Variants in MBOAT2 observed in about 807,000 individuals in gnomAD.
MBOAT2 encodes membrane-bound glycerophospholipid O-acyltransferase 2.
MBOAT2 carries 28 observed loss-of-function variants against 63.4 expected under a neutral mutation model. That is an observed-to-expected ratio of 0.44 (90% CI 0.33 to 0.61). The LOEUF (loss-of-function observed/expected upper bound fraction) is 0.61. Ranked by LOEUF, MBOAT2 falls within the 20% of genes least tolerant of loss-of-function variation. The pLI is 0.03. For synonymous variants in MBOAT2, 211 were observed against 215.6 expected (o/e 0.98, Z 0.19); for missense variants, 470 against 605.8 (o/e 0.78, Z 2.35).
chr2:8,998,971 T>G (rs1005842337), intron 1 of MBOAT2, among the ~76,000 whole-genome samples: 3 of 152,212 alleles, frequency 2.0e-5, no homozygotes, highest in African/African-American at 4.8e-5. Flanking sequence ...CCAGGTGTTG[T>G]GAGGATTTGA....
chr2:8,858,359 T>G lies in MBOAT2; in HGVS notation c.*320A>C, dbSNP rs1316504118. On this transcript the variant is annotated 3_prime_UTR_variant, in exon 13 of 13. Transcript: ENST00000305997. ...TCATCCAGATTGACACGATTATTTT[T>G]CCACCTCTTCAGTGCCTTGGGATAC... The G allele has an allele frequency of 4.4e-6, 1 of 229,602 alleles. No homozygotes were observed. The highest frequency in any genetic ancestry group is 2.2e-5 in the African/African-American group (1 of 44,546). 14.2% of individuals were successfully genotyped at this position (229,602 alleles called of 1,614,324 possible).
At chr2:8,875,307 C>T (rs1177422250) in intron 7 of MBOAT2, among the ~76,000 whole-genome samples, 2 of 152,136 alleles carry the variant, frequency 1.3e-5, no homozygotes, top group Non-Finnish European at 2.9e-5. Context: ...TGGGAAAATA[C>T]ATGAAGAATA....
chr2:8,994,722 A>G (rs1672149503), intron 1 of MBOAT2, among the ~76,000 whole-genome samples: 1 of 152,218 alleles, frequency 6.6e-6, no homozygotes, highest in African/African-American at 2.4e-5. Flanking sequence ...ATGCACGAAC[A>G]TATCATGCAT....
rs1372799201 is a variant in MBOAT2 at position 8,877,220 on chromosome 2, T to C, written c.507-7A>G. 6.7e-5 allele frequency: 107 copies of C among 1,607,628 alleles called. No homozygotes were observed. Among genetic ancestry groups the C allele is most frequent in the Non-Finnish European group, 8.6e-5 (101 of 1,177,394 alleles). On this transcript the variant is annotated splice_polypyrimidine_tract_variant and splice_region_variant and intron_variant, in intron 6 of 12. Coordinates refer to ENST00000305997, the MANE Select transcript of MBOAT2 (RefSeq NM_138799.4). ...CAGTAAGCTTGGCATGCGCCTGCAATGAAAAGACATGCAACCAGTGAGATG... is the reference window on the plus strand; with the variant it reads ...CAGTAAGCTTGGCATGCGCCTGCAACGAAAAGACATGCAACCAGTGAGATG...
intron 3 of MBOAT2, among the ~76,000 whole-genome samples, chr2:8,911,767 C>T (rs903686535): frequency 1.3e-5 from 2 of 152,144 alleles, no homozygotes; most frequent in East Asian, 3.9e-4. Context: ...CAGCCTAAGG[C>T]CTTCACCAGG....
chr2:8,972,224 AC>A (rs1198507521), intron 1 of MBOAT2, among the ~76,000 whole-genome samples: 23 of 152,154 alleles, frequency 1.5e-4, no homozygotes, highest in Admixed American at 1.3e-4. Flanking sequence ...CACATCTACA[AC>A]CATCTGATCT....
rs566087384 is a variant in MBOAT2, at chr2:8,854,434, A to G, written c.*4245T>C. On this transcript the variant is annotated 3_prime_UTR_variant, in exon 13 of 13. Coordinates refer to ENST00000305997, the MANE Select transcript of MBOAT2 (RefSeq NM_138799.4). Reference sequence around the variant, plus strand: ...CTCACAGTGTTATTTAGGATTCTGCACCTATATTAAATTTCAGCCAGGAAG... The same window carrying G: ...CTCACAGTGTTATTTAGGATTCTGCGCCTATATTAAATTTCAGCCAGGAAG... The G allele has an allele frequency of 9.8e-5, 15 of 152,324 alleles. No individual in the cohort carries two copies. The highest frequency in any genetic ancestry group is 3.1e-4 in the African/African-American group (13 of 41,580). The allele number at this position is 152,324 out of a possible 1,614,324, so 9.4% of individuals were successfully genotyped here. A position where few individuals can be genotyped will look rare whatever the true frequency, so the allele number is the denominator to read the frequency against.
chr2:8,943,177 G>T lies in MBOAT2; in HGVS notation c.299+10C>A. On this transcript the variant is annotated intron_variant, in intron 3 of 12. Transcript: ENST00000305997. ...ATATATATTTTCATGTGAACAAAGT[G>T]AATACTTACTTGTGCATGTTCTCCA... The T allele has an allele frequency of 1.3e-6, 2 of 1,490,044 alleles. No homozygotes were observed. The highest frequency in any genetic ancestry group is 1.4e-5 in the South Asian group (1 of 72,926). The allele number at this position is 1,490,044 out of a possible 1,614,324, so 92.3% of individuals were successfully genotyped here. A position where few individuals can be genotyped will look rare whatever the true frequency, so the allele number is the denominator to read the frequency against.
chr2:8,991,867 T>A (rs897121465), intron 1 of MBOAT2, among the ~76,000 whole-genome samples: 2 of 152,222 alleles, frequency 1.3e-5, no homozygotes, highest in African/African-American at 4.8e-5. Context: ...ATGGTCATCA[T>A]TAGCAAAAGT....
chr2:8,905,835 A>C (rs148788951), intron 4 of MBOAT2, among the ~76,000 whole-genome samples: 71 of 152,352 alleles, frequency 4.7e-4, no homozygotes, highest in African/African-American at 1.4e-3. Flanking sequence ...AATGGATAAA[A>C]ATTATTCTTT....
chr2:8,983,186 T>A (rs139933277), intron 1 of MBOAT2, among the ~76,000 whole-genome samples: 1 of 152,136 alleles, frequency 6.6e-6, no homozygotes, highest in Non-Finnish European at 1.5e-5. Flanking sequence ...AGATATGAAA[T>A]CATATGATAC....
At chr2:8,978,449 A>G (rs890804283) in intron 1 of MBOAT2, among the ~76,000 whole-genome samples, 7 of 152,178 alleles carry the variant, frequency 4.6e-5, no homozygotes, top group Non-Finnish European at 1.0e-4. Context: ...CTTATTTATT[A>G]TATTTGCTAA....
chr2:8,919,365 A>G (rs1666411607), intron 3 of MBOAT2, among the ~76,000 whole-genome samples: 1 of 152,238 alleles, frequency 6.6e-6, no homozygotes, highest in Admixed American at 6.5e-5. Context: ...TAGTTTCTTC[A>G]TATCCTCACT....
chr2:8,985,069 T>C (rs1022162009), intron 1 of MBOAT2, among the ~76,000 whole-genome samples: 5 of 151,796 alleles, frequency 3.3e-5, no homozygotes, highest in Non-Finnish European at 5.9e-5. Flanking sequence ...AATATATGCA[T>C]ATAGTTCCTC....
intron 3 of MBOAT2, among the ~76,000 whole-genome samples, chr2:8,938,169 A>G (rs961483291): frequency 6.6e-6 from 1 of 152,226 alleles, no homozygotes; most frequent in African/African-American, 2.4e-5. Flanking sequence ...TAAATGCTAG[A>G]TAAAAGAGAA....
intron 3 of MBOAT2, among the ~76,000 whole-genome samples, chr2:8,928,400 T>C (rs1425046116): frequency 2.0e-5 from 3 of 152,020 alleles, no homozygotes; most frequent in Non-Finnish European, 4.4e-5. Context: ...CAGAGGCTGG[T>C]AGGACGTCTG....
intron 3 of MBOAT2, among the ~76,000 whole-genome samples, chr2:8,938,206 T>C (rs1667798157): frequency 6.6e-6 from 1 of 152,198 alleles, no homozygotes; most frequent in African/African-American, 2.4e-5. Flanking sequence ...CTCTGTTCCC[T>C]TAGTACATGA....
In MBOAT2 at chr2:8,862,571, T is replaced by C. The variant is rs1212354509; in HGVS notation, c.1185+19A>G. 1.2e-6 allele frequency: 2 copies of C among 1,601,652 alleles called. No homozygotes were observed. The highest frequency in any genetic ancestry group is 1.8e-5 in the Admixed American group (1 of 56,920). Reference sequence around the variant, plus strand: ...TCAAGTGGACCATTGAATTGTAAAATAAAATTCTTGATACTTACAGCTCTT... The same window carrying C: ...TCAAGTGGACCATTGAATTGTAAAACAAAATTCTTGATACTTACAGCTCTT... On this transcript the variant is annotated intron_variant, in intron 11 of 12. Coordinates refer to ENST00000305997, the MANE Select transcript of MBOAT2 (RefSeq NM_138799.4). This position sits in a 1 kb window ranked among gnomAD's most constrained non-coding sequence, Gnocchi z 4.3.
At chr2:8,894,756 T>C (rs1166314756) in intron 4 of MBOAT2, among the ~76,000 whole-genome samples, 1 of 152,192 alleles carries the variant, frequency 6.6e-6, no homozygotes. Flanking sequence ...TTCCTTCTGA[T>C]GTTCAGACGT....
Sources: gnomAD v4.1 joint callset for allele counts (sites outside exome capture counted in the v4.1 genomes callset) on GRCh38, gnomAD v4.1.1 for gene constraint, Gnocchi (gnomAD v3.1) non-coding constraint, MANE v1.5 for transcripts, NCBI Gene and HGNC (gene_info 2026-07-23, HGNC 2026-07-21) for gene names.